SKAP2: variants seen among roughly 807,000 people sequenced by gnomAD.
The protein encoded by SKAP2 is src kinase-associated phosphoprotein 2.
SKAP2 carries 28 observed loss-of-function variants against 54.9 expected under a neutral mutation model. The observed-to-expected ratio is 0.51, with a 90% confidence interval of 0.38 to 0.70. The LOEUF is 0.70. Ranked by LOEUF, SKAP2 falls within the 30% of genes least tolerant of loss-of-function variation. The pLI is 0.00. For synonymous variants in SKAP2, 137 were observed against 134.3 expected (o/e 1.02, Z -0.14); for missense variants, 356 against 424.1 (o/e 0.84, Z 1.41).
chr7:26,774,602 T>G lies in SKAP2; in HGVS notation c.308-34638A>C, dbSNP rs560558655. On this transcript the variant is annotated intron_variant, in intron 4 of 12. Coordinates refer to ENST00000345317, the MANE Select transcript of SKAP2 (RefSeq NM_003930.5). ...CTCCTGTGAATAGCCAACCCCTCAGTTCCAGGTGACTATCCTCACTCACTC... is the reference window on the plus strand; with the variant it reads ...CTCCTGTGAATAGCCAACCCCTCAGGTCCAGGTGACTATCCTCACTCACTC... Among the ~76,000 whole-genome samples the G allele has an allele frequency of 1.1e-4, 16 of 151,988 alleles. No homozygotes were observed. In the South Asian group the frequency reaches 3.3e-3, roughly 32 times the overall value.
chr7:26,662,750 G>T (rs1364814440), downstream of SKAP2, among the ~76,000 whole-genome samples: 1 of 152,068 alleles, frequency 6.6e-6, no homozygotes, highest in Admixed American at 6.6e-5. Flanking sequence ...CTACATTTCA[G>T]GTTTTTCAAT....
the SKAP2 span, among the ~76,000 whole-genome samples, chr7:26,659,081 T>C: frequency 2.0e-5 from 3 of 152,210 alleles, no homozygotes; most frequent in South Asian, 2.1e-4. Flanking sequence ...TTCGACGTGA[T>C]ATCATAATTC....
intron 9 of SKAP2, among the ~76,000 whole-genome samples, chr7:26,691,326 T>C (rs1425918963): frequency 6.6e-6 from 1 of 152,320 alleles, no homozygotes; most frequent in East Asian, 1.9e-4. Context: ...ACATGATTTT[T>C]CCTCACCTAA....
chr7:26,712,414 C>T (rs1447858228), intron 9 of SKAP2, among the ~76,000 whole-genome samples: 1 of 152,156 alleles, frequency 6.6e-6, no homozygotes, highest in Non-Finnish European at 1.5e-5. Flanking sequence ...TTGGTTGGTA[C>T]GTTCTCTCTT....
At chr7:26,754,706 G>T (rs1782751942) in intron 4 of SKAP2, among the ~76,000 whole-genome samples, 1 of 152,170 alleles carries the variant, frequency 6.6e-6, no homozygotes. Context: ...CACAACAACT[G>T]ATGTAACTTC....
chr7:26,661,321 G>A, the SKAP2 span, among the ~76,000 whole-genome samples: 1 of 152,086 alleles, frequency 6.6e-6, no homozygotes, highest in Non-Finnish European at 1.5e-5. Context: ...GTCACTCCTA[G>A]ATATGCATCT....
intron 9 of SKAP2, among the ~76,000 whole-genome samples, chr7:26,719,294 G>A (rs534412637): frequency 2.6e-5 from 4 of 152,194 alleles, no homozygotes; most frequent in African/African-American, 7.2e-5. Context: ...TCCTCTTCAC[G>A]GATCCCCTTG....
At position 26,678,809 on chromosome 7, in the gene SKAP2, C is replaced by T. The variant is rs1416715428; in HGVS notation, c.987+5927G>A. On this transcript the variant is annotated intron_variant, in intron 11 of 12. Transcript: ENST00000345317. ...CACTTATCTATAATTTACTAAATATCGACTCTAAAACTTTTCTTAATCAGT... is the reference window on the plus strand; with the variant it reads ...CACTTATCTATAATTTACTAAATATTGACTCTAAAACTTTTCTTAATCAGT... Among the ~76,000 whole-genome samples, 4 of 152,000 alleles carry T rather than the reference C, an allele frequency of 2.6e-5. No homozygotes were observed. The East Asian group carries it at 5.8e-4, about 22-fold the overall frequency.
At chr7:26,747,833 C>T (rs774894654) in intron 4 of SKAP2, among the ~76,000 whole-genome samples, 6 of 151,422 alleles carry the variant, frequency 4.0e-5, no homozygotes, top group Non-Finnish European at 7.4e-5. Context: ...TTCTCCTCTC[C>T]TTTCCCTTTT....
At chr7:26,849,830 A>T (rs769928480) in intron 3 of SKAP2, among the ~76,000 whole-genome samples, 10 of 152,200 alleles carry the variant, frequency 6.6e-5, no homozygotes, top group Non-Finnish European at 1.3e-4. Flanking sequence ...AACTGAATTT[A>T]TGAATCAAGA....
chr7:26,818,172 A>G (rs1203188611), intron 4 of SKAP2, among the ~76,000 whole-genome samples: 1 of 152,198 alleles, frequency 6.6e-6, no homozygotes, highest in Non-Finnish European at 1.5e-5. Context: ...GCATGACGCT[A>G]CCTGACTTCA....
At chr7:26,844,619 T>G (rs1365919618) in intron 3 of SKAP2, among the ~76,000 whole-genome samples, 1 of 152,210 alleles carries the variant, frequency 6.6e-6, no homozygotes, top group African/African-American at 2.4e-5. Context: ...ATGAATATTT[T>G]GTATAAAATC....
intron 4 of SKAP2, among the ~76,000 whole-genome samples, chr7:26,764,820 G>A (rs570320273): frequency 6.6e-6 from 1 of 152,038 alleles, no homozygotes; most frequent in African/African-American, 2.4e-5. Flanking sequence ...CAAAGTGCTG[G>A]GATTACAGGC....
rs113045255 is a variant in SKAP2, at chr7:26,670,978, G to C, written c.988-786C>G. Among the ~76,000 whole-genome samples the C allele has an allele frequency of 1.9e-3, 290 of 152,080 alleles. 2 individuals are homozygous for C. The highest frequency in any genetic ancestry group is 6.6e-3 in the African/African-American group (276 of 41,506). On this transcript the variant is annotated intron_variant, in intron 11 of 12. Coordinates refer to ENST00000345317, the MANE Select transcript of SKAP2 (RefSeq NM_003930.5). ...TATTAATCTACCTCTAAAACAGAGT[G>C]GTCGATGAGTCACTTTTGCATTTAC...
At chr7:26,791,101 C>T (rs938223033) in intron 4 of SKAP2, among the ~76,000 whole-genome samples, 38 of 152,054 alleles carry the variant, frequency 2.5e-4, no homozygotes, top group African/African-American at 9.2e-4. Context: ...CATTTCTTAA[C>T]AGGGCACGCT....
At chr7:26,777,753 C>G (rs1584384280) in intron 4 of SKAP2, among the ~76,000 whole-genome samples, 1 of 152,108 alleles carries the variant, frequency 6.6e-6, no homozygotes, top group Non-Finnish European at 1.5e-5. Context: ...TCTGTCAAGA[C>G]AAACAAGATA....
intron 4 of SKAP2, among the ~76,000 whole-genome samples, chr7:26,741,620 TG>T (rs1436401243): frequency 1.3e-5 from 2 of 151,958 alleles, no homozygotes; most frequent in African/African-American, 4.8e-5. Context: ...TTGGATTCTT[TG>T]TAACAGAGAA....
At chr7:26,771,971 A>G (rs2127975245) in intron 4 of SKAP2, among the ~76,000 whole-genome samples, 1 of 152,302 alleles carries the variant, frequency 6.6e-6, no homozygotes. Flanking sequence ...TCCTATTCCT[A>G]TCGCCTGGAA....
chr7:26,829,502 C>T (rs1784560308), intron 4 of SKAP2, among the ~76,000 whole-genome samples: 1 of 152,072 alleles, frequency 6.6e-6, no homozygotes. Context: ...CTGATCATAC[C>T]ACACTGCACT....
Sources: allele counts gnomAD v4.1 joint callset (sites outside exome capture counted in the v4.1 genomes callset), GRCh38; gene constraint gnomAD v4.1.1; transcripts MANE v1.5; gene names NCBI Gene and HGNC (gene_info 2026-07-23, HGNC 2026-07-21).